SLC19A2: variants seen among roughly 807,000 people sequenced by gnomAD.
The protein encoded by SLC19A2 is solute carrier family 19 member 2.
In SLC19A2, 27 loss-of-function variants were observed where a neutral mutation model predicts 44.7. The observed-to-expected ratio is 0.60, with a 90% CI of 0.45 to 0.83. SLC19A2 has a LOEUF of 0.83. Among genes scored for constraint, SLC19A2 ranks in the 40% least tolerant of loss-of-function variants. The pLI is 0.00. For missense variants in SLC19A2, 566 were observed against 613.7 expected, an observed-to-expected ratio of 0.92 and a Z score of 0.82; for synonymous variants, 239 against 243.6, an observed-to-expected ratio of 0.98 and a Z score of 0.18.
Position 169,468,730 on chromosome 1 carries a change from G to GTGCAGCA in SLC19A2, c.1136_1137insTGCTGCA (p.Met380AlafsTer8). 1 of 1,612,548 alleles carries GTGCAGCA rather than the reference G, an allele frequency of 6.2e-7. No homozygotes were observed. Among genetic ancestry groups the GTGCAGCA allele is most frequent in the Non-Finnish European group, 8.5e-7 (1 of 1,178,636 alleles). ...CCCAAATGTTACCCACAGTGTCCAT[G>GTGCAGCA]ATATACACTGCAGCAGCAATCAGGA... On this transcript the variant is annotated frameshift_variant, in exon 4 of 6. Coordinates refer to ENST00000236137, the MANE Select transcript of SLC19A2 (RefSeq NM_006996.3). LOFTEE classifies it high-confidence loss of function.
chr1:169,469,386 G>A (rs1045760314), intron 3 of SLC19A2, among the ~76,000 whole-genome samples: 5 of 152,162 alleles, frequency 3.3e-5, no homozygotes, highest in Non-Finnish European at 7.4e-5. Context: ...ATGAACAATA[G>A]AGTAAGATGG....
intron 3 of SLC19A2, 37 bp from the exon 4 acceptor site, chr1:169,468,873 A>T (rs1173452596): frequency 1.3e-6 from 2 of 1,576,172 alleles, no homozygotes; most frequent in African/African-American, 1.3e-5. Context: ...TTATTTTGCT[A>T]CACAAATGCT....
In SLC19A2 at chr1:169,474,051, C is replaced by G. The variant is rs1259181216; in HGVS notation, c.807+3104G>C. The G allele has an allele frequency of 2.6e-5, 4 of 152,262 alleles. No homozygotes were observed. In the South Asian group the frequency reaches 8.3e-4, roughly 32 times the overall value. 9.4% of individuals were successfully genotyped at this position (152,262 alleles called of 1,614,324 possible). The stretch of plus-strand genomic sequence containing the variant: ...AGAACTAGGGTTTGGACTTCACTTT[C>G]TTAAAAACTCACAATGAATGAAGCG... On this transcript the variant is annotated intron_variant, in intron 2 of 5. Coordinates refer to ENST00000236137, the MANE Select transcript of SLC19A2 (RefSeq NM_006996.3).
intron 5 of SLC19A2, among the ~76,000 whole-genome samples, chr1:169,466,285 C>A (rs1462259338): frequency 1.3e-5 from 2 of 152,138 alleles, no homozygotes; most frequent in Non-Finnish European, 2.9e-5. Context: ...ATGTTGGTAC[C>A]CATCAGTGAG....
chr1:169,468,550 T>G, intron 4 of SLC19A2, 94 bp downstream of exon 4: 1 of 1,048,978 alleles, frequency 9.5e-7, no homozygotes, highest in South Asian at 1.4e-5. Flanking sequence ...TTGCCTCATT[T>G]AACTAGAAAC....
chr1:169,471,675 C>CGTGTGTGT (rs140548510), intron 2 of SLC19A2, among the ~76,000 whole-genome samples: 5,550 of 131,820 alleles, frequency 0.042, 162 homozygotes, highest in African/African-American at 0.054. Context: ...AAAAAACAAA[C>CGTGTGTGT]GTGTGTGTGT....
At chr1:169,485,533 C>CT in intron 1 of SLC19A2, 30 bp downstream of exon 1, 1 of 1,563,086 alleles carries the variant, frequency 6.4e-7, no homozygotes, top group Non-Finnish European at 8.7e-7. Flanking sequence ...GTCGCCCGCC[C>CT]TTCCCGCGCC....
intron 3 of SLC19A2, among the ~76,000 whole-genome samples, chr1:169,469,557 A>G: frequency 6.6e-6 from 1 of 152,170 alleles, no homozygotes; most frequent in South Asian, 2.1e-4. Flanking sequence ...GTGAGGATTG[A>G]GTTAATGTAT....
intron 2 of SLC19A2, among the ~76,000 whole-genome samples, chr1:169,474,437 C>T (rs1658264652): frequency 6.6e-6 from 1 of 152,044 alleles, no homozygotes; most frequent in South Asian, 2.1e-4. Flanking sequence ...ACCAATCAGC[C>T]AACTACATAA....
rs553087233 is a variant in SLC19A2, at chr1:169,470,133, C to A, written c.861G>T (p.Leu287=). Reference sequence around the variant, plus strand: ...GAAGAGGGCGAGAGGAGTAGCACATCAGGAAATCATTCCATAGTACTTTCA... The same window carrying A: ...GAAGAGGGCGAGAGGAGTAGCACATAAGGAAATCATTCCATAGTACTTTCA... ...LVLKVLWNDF[L]MCYSSRPLLC... The change falls in exon 3 of 6, where the codon CTG becomes CTT. Residue 287 remains leucine (L), a synonymous_variant. Coordinates refer to ENST00000236137, the MANE Select transcript of SLC19A2 (RefSeq NM_006996.3). The A allele has an allele frequency of 3.7e-6, 6 of 1,614,074 alleles. No homozygotes were observed. In the East Asian group the frequency reaches 1.3e-4, roughly 36 times the overall value.
chr1:169,466,869 C>T (rs906414739), intron 5 of SLC19A2, among the ~76,000 whole-genome samples: 20 of 152,106 alleles, frequency 1.3e-4, no homozygotes, highest in African/African-American at 4.8e-4. Flanking sequence ...TTAACATCAT[C>T]ATCATCATCA....
At chr1:169,476,203 C>G (rs1304879055) in intron 2 of SLC19A2, among the ~76,000 whole-genome samples, 3 of 151,828 alleles carry the variant, frequency 2.0e-5, no homozygotes, top group Non-Finnish European at 4.4e-5. Flanking sequence ...CTAGACAGAA[C>G]AGATGGATAA....
At chr1:169,475,502 C>T (rs1658284262) in intron 2 of SLC19A2, among the ~76,000 whole-genome samples, 1 of 152,076 alleles carries the variant, frequency 6.6e-6, no homozygotes, top group Non-Finnish European at 1.5e-5. Flanking sequence ...TATTTATACA[C>T]ATATTATCTG....
rs1354108807 is a variant in SLC19A2, at chr1:169,465,210, T to G, written c.*639A>C. The G allele has an allele frequency of 2.0e-5, 3 of 152,296 alleles. No individual in the cohort carries two copies. The highest frequency in any genetic ancestry group is 4.4e-5 in the Non-Finnish European group (3 of 68,102). 9.4% of individuals were successfully genotyped at this position (152,296 alleles called of 1,614,324 possible). ...AAACAAATTTTACAGAAATAAATAA[T>G]CGTCACAATGGGAACCAAGAACATT... is the stretch of plus-strand genomic sequence containing the variant. On this transcript the variant is annotated 3_prime_UTR_variant, in exon 6 of 6. Transcript: ENST00000236137.
At chr1:169,482,381 A>T (rs573487888) in intron 1 of SLC19A2, among the ~76,000 whole-genome samples, 2 of 152,250 alleles carry the variant, frequency 1.3e-5, no homozygotes, top group East Asian at 3.9e-4. Flanking sequence ...CTCTACTAAA[A>T]ATATAAAAAA....
intron 2 of SLC19A2, among the ~76,000 whole-genome samples, chr1:169,472,453 CT>C (rs1450329147): frequency 1.3e-5 from 2 of 152,148 alleles, no homozygotes; most frequent in Non-Finnish European, 2.9e-5. Context: ...GAAAGCCTTA[CT>C]TTTCTCATCT....
chr1:169,466,759 G>A (rs1282971388), intron 5 of SLC19A2, among the ~76,000 whole-genome samples: 1 of 150,354 alleles, frequency 6.7e-6, no homozygotes, highest in Non-Finnish European at 1.5e-5. Context: ...GTCCAACACC[G>A]ACTTATGAGT....
At chr1:169,483,267 C>T (rs1309656598) in intron 1 of SLC19A2, among the ~76,000 whole-genome samples, 1 of 152,146 alleles carries the variant, frequency 6.6e-6, no homozygotes, top group Admixed American at 6.5e-5. Context: ...ATACAAATGT[C>T]GCTGAATATG....
intron 1 of SLC19A2, among the ~76,000 whole-genome samples, chr1:169,478,662 C>T (rs1319959529): frequency 1.3e-5 from 2 of 151,254 alleles, no homozygotes; most frequent in Non-Finnish European, 2.9e-5. Context: ...ACATGTGAGC[C>T]ATCTGGCCTA....
Sources: gnomAD v4.1 joint callset for allele counts (sites outside exome capture counted in the v4.1 genomes callset) on GRCh38, gnomAD v4.1.1 for gene constraint, MANE v1.5 for transcripts, NCBI Gene and HGNC (gene_info 2026-07-23, HGNC 2026-07-21) for gene names.